Variants in RASSF3 observed in about 807,000 individuals in gnomAD.
RASSF3 encodes Ras association domain family member 3, also known as ras association domain-containing protein 3.
A neutral mutation model predicts 19.9 loss-of-function variants in RASSF3; 19 were observed. The observed-to-expected ratio is 0.96, with a 90% CI of 0.67 to 1.40. The LOEUF (loss-of-function observed/expected upper bound fraction) is 1.40, where lower values mean the gene tolerates loss of function less well. Ranked by LOEUF, RASSF3 falls within the 40% of genes most tolerant of loss-of-function variation. RASSF3 has a pLI of 0.00. For missense variants in RASSF3, 306 were observed against 289.8 expected (o/e 1.06, Z -0.41); for synonymous variants, 110 against 104.2 (o/e 1.06, Z -0.34).
chr12:64,598,356 T>C (rs1237976839), intron 2 of RASSF3, among the ~76,000 whole-genome samples: 1 of 152,230 alleles, frequency 6.6e-6, no homozygotes, highest in Non-Finnish European at 1.5e-5. Context: ...GTTAACTAGT[T>C]TATAAGGTTT....
chr12:64,670,376 T>C (rs1257656968), intron 1 of RASSF3, among the ~76,000 whole-genome samples: 1 of 151,600 alleles, frequency 6.6e-6, no homozygotes, highest in Non-Finnish European at 1.5e-5. Flanking sequence ...TACTGTTTTT[T>C]TTTTTTTCCT....
intron 1 of RASSF3, chr12:64,622,557 T>C (rs1870819210): frequency 3.9e-6 from 2 of 514,076 alleles, no homozygotes; most frequent in East Asian, 6.1e-5. Context: ...TTTTTGCCAT[T>C]ACTTTCAGTA....
chr12:64,644,699 A>AAAACAAACAAACAAACAAACAAACAAAC lies in RASSF3; in HGVS notation c.111+33975_111+33976insCAAACAAACAAACAAACAAACAAACAAA, dbSNP rs67152006. 1.8e-4 allele frequency among the ~76,000 whole-genome samples: 27 copies of AAAACAAACAAACAAACAAACAAACAAAC among 150,340 alleles called. 1 individual carries two copies. Among genetic ancestry groups the AAAACAAACAAACAAACAAACAAACAAAC allele is most frequent in the Middle Eastern group, 6.8e-3 (2 of 292 alleles). ...GCAGCAGAGACCCTGTCTCCAACCA[A>AAAACAAACAAACAAACAAACAAACAAAC]AAACAAACAAACAAACAAAAATATA... On this transcript the variant is annotated intron_variant, in intron 1 of 4. Transcript: ENST00000542104.
At chr12:64,635,968 C>T (rs142222843) in intron 1 of RASSF3, among the ~76,000 whole-genome samples, 84 of 152,070 alleles carry the variant, frequency 5.5e-4, no homozygotes, top group African/African-American at 1.8e-3. Flanking sequence ...CCTGAAATTC[C>T]GAAACTATAT....
At chr12:64,609,143 G>A (rs1870248509), upstream of RASSF3, among the ~76,000 whole-genome samples, 1 of 152,056 alleles carries the variant, frequency 6.6e-6, no homozygotes, top group Non-Finnish European at 1.5e-5. Context: ...GTCATTTCGG[G>A]TCCAACTCTT....
At chr12:64,663,515 T>C (rs1055715539) in intron 1 of RASSF3, among the ~76,000 whole-genome samples, 13 of 145,556 alleles carry the variant, frequency 8.9e-5, no homozygotes, top group Non-Finnish European at 1.8e-4. Context: ...ACACCTGCAA[T>C]TGTTATTGTT....
intron 1 of RASSF3, among the ~76,000 whole-genome samples, chr12:64,671,699 C>G (rs543367885): frequency 4.6e-5 from 7 of 152,234 alleles, no homozygotes; most frequent in Non-Finnish European, 7.3e-5. Context: ...AAACCTAGAG[C>G]TGCACTTCTG....
intron 1 of RASSF3, chr12:64,628,237 A>G (rs1461040537): frequency 6.6e-6 from 1 of 152,178 alleles, no homozygotes. Flanking sequence ...ATGTAAGCCA[A>G]AAGAACACTT....
intron 3 of RASSF3, among the ~76,000 whole-genome samples, chr12:64,689,961 T>A (rs1207637097): frequency 6.6e-6 from 1 of 151,092 alleles, no homozygotes; most frequent in African/African-American, 2.4e-5. Context: ...GCTAATTTTT[T>A]TGTGTTTTTA....
intron 2 of RASSF3, among the ~76,000 whole-genome samples, chr12:64,600,668 T>A (rs1006505973): frequency 6.6e-6 from 1 of 152,194 alleles, no homozygotes; most frequent in Non-Finnish European, 1.5e-5. Flanking sequence ...TTAACAAAAA[T>A]TTTTAACTGT....
chr12:64,559,103 C>A (rs1200612804), intron 2 of RASSF3, among the ~76,000 whole-genome samples: 1 of 152,182 alleles, frequency 6.6e-6, no homozygotes, highest in Non-Finnish European at 1.5e-5. Flanking sequence ...AGCTCTGCTA[C>A]TGTCACTTCT....
At chr12:64,509,563 C>T (rs1868315730) in intron 1 of RASSF3, among the ~76,000 whole-genome samples, 1 of 152,184 alleles carries the variant, frequency 6.6e-6, no homozygotes, top group Non-Finnish European at 1.5e-5. Context: ...AATTCTTGGT[C>T]TGCTGCTCTT....
At chr12:64,619,737 A>T (rs1402836601) in intron 1 of RASSF3, among the ~76,000 whole-genome samples, 1 of 152,004 alleles carries the variant, frequency 6.6e-6, no homozygotes, top group African/African-American at 2.4e-5. Flanking sequence ...ATCCCAGCAC[A>T]TTGGGAGGCC....
At chr12:64,684,686 C>T in intron 1 of RASSF3, 101 bp from the exon 2 acceptor site, 4 of 739,148 alleles carry the variant, frequency 5.4e-6, no homozygotes, top group Admixed American at 2.0e-5. Flanking sequence ...CCACCTCAGC[C>T]TCCCAAAGTG....
chr12:64,623,567 C>T (rs1013269288), intron 1 of RASSF3, among the ~76,000 whole-genome samples: 1 of 152,222 alleles, frequency 6.6e-6, no homozygotes, highest in Non-Finnish European at 1.5e-5. Flanking sequence ...TTTGTTCAGA[C>T]AGGCTTGTGG....
intron 1 of RASSF3, among the ~76,000 whole-genome samples, chr12:64,660,578 G>A (rs1319211217): frequency 6.6e-6 from 1 of 152,010 alleles, no homozygotes; most frequent in African/African-American, 2.4e-5. Flanking sequence ...TTAAGGAGAA[G>A]GTCACAAAAT....
At chr12:64,538,944 G>T (rs1394971310) in intron 1 of RASSF3, among the ~76,000 whole-genome samples, 1 of 152,096 alleles carries the variant, frequency 6.6e-6, no homozygotes, top group African/African-American at 2.4e-5. Context: ...TACTCAAGAG[G>T]CTGAGTCAGG....
At chr12:64,543,474 G>GCCCCCCCGCTGCCCGCCCC (rs1592395596), downstream of RASSF3, among the ~76,000 whole-genome samples, 1 of 10,750 alleles carries the variant, frequency 9.3e-5, no homozygotes, top group Non-Finnish European at 2.0e-4. Context: ...CCACCCGCCT[G>GCCCCCCCGCTGCCCGCCCC]CCCACCCCCC....
At chr12:64,543,333 C>T (rs1434657742), downstream of RASSF3, among the ~76,000 whole-genome samples, 1 of 150,992 alleles carries the variant, frequency 6.6e-6, no homozygotes, top group Non-Finnish European at 1.5e-5. Context: ...ACCAGCGCTG[C>T]GCTCGATTTC....
Sources: gnomAD v4.1 joint callset for allele counts (sites outside exome capture counted in the v4.1 genomes callset) on GRCh38, gnomAD v4.1.1 for gene constraint, MANE v1.5 for transcripts, NCBI Gene and HGNC (gene_info 2026-07-23, HGNC 2026-07-21) for gene names.